Variants in CLIC5 observed in about 807,000 individuals in gnomAD.
CLIC5 encodes CLIC family member 5, also known as chloride intracellular channel protein 5.
CLIC5 carries 20 observed loss-of-function variants against 24.7 expected under a neutral mutation model. The ratio of observed to expected loss-of-function variants is 0.81; its 90% CI spans 0.57 to 1.18. The LOEUF (loss-of-function observed/expected upper bound fraction) is 1.18, where lower values mean the gene tolerates loss of function less well. Ranked by LOEUF, CLIC5 falls within the 50% of genes most tolerant of loss-of-function variation. CLIC5 has a pLI of 0.00. For missense variants in CLIC5, 341 were observed against 326.1 expected (o/e 1.05, Z -0.35); for synonymous variants, 159 against 135.6 (o/e 1.17, Z -1.20).
intron 1 of CLIC5, among the ~76,000 whole-genome samples, chr6:45,976,785 A>G (rs1156551969): frequency 2.6e-5 from 4 of 152,250 alleles, no homozygotes; most frequent in Non-Finnish European, 4.4e-5. Context: ...AATGGACATT[A>G]TAATGGCATA....
intron 4 of CLIC5, among the ~76,000 whole-genome samples, chr6:45,915,238 A>AT (rs1426547342): frequency 7.9e-5 from 12 of 152,058 alleles, no homozygotes; most frequent in African/African-American, 1.7e-4. Context: ...AATACTAGCC[A>AT]TTTTTTTAAA....
chr6:45,975,282 G>A (rs912294887), intron 1 of CLIC5, among the ~76,000 whole-genome samples: 1 of 152,146 alleles, frequency 6.6e-6, no homozygotes, highest in African/African-American at 2.4e-5. Flanking sequence ...CCACTAGCCT[G>A]CCATGTAGCA....
intron 1 of CLIC5, among the ~76,000 whole-genome samples, chr6:45,990,475 T>C (rs1765896053): frequency 6.6e-6 from 1 of 152,196 alleles, no homozygotes; most frequent in African/African-American, 2.4e-5. Context: ...GATAGAAGGA[T>C]GGTGGGTTTC....
chr6:45,972,930 TCTGGCCCTA>T (rs563547521), intron 1 of CLIC5, among the ~76,000 whole-genome samples: 31 of 152,338 alleles, frequency 2.0e-4, no homozygotes, highest in African/African-American at 7.2e-4. Context: ...TTCATAGTAA[TCTGGCCCTA>T]CTGGGTTCTA....
At chr6:45,926,311 G>T (rs917851418) in intron 4 of CLIC5, among the ~76,000 whole-genome samples, 15 of 150,292 alleles carry the variant, frequency 1.0e-4, no homozygotes, top group African/African-American at 3.4e-4. Flanking sequence ...GCAGTGGTGT[G>T]ATCTCGGCTC....
At chr6:46,122,846 T>C in the CLIC5 span, 18 of 152,192 alleles carry the variant, frequency 1.2e-4, 1 homozygote, top group Admixed American at 1.1e-3. Context: ...ATGGATAAAC[T>C]CCTCAACACA....
At chr6:45,980,295 C>T (rs1192707126) in intron 1 of CLIC5, among the ~76,000 whole-genome samples, 1 of 151,876 alleles carries the variant, frequency 6.6e-6, no homozygotes, top group African/African-American at 2.4e-5. Flanking sequence ...TTTCAGGTAG[C>T]AAATAAAGGC....
rs1762430988 is a variant in CLIC5 at position 45,898,485 on chromosome 6, G to T, written c.*4603C>A. 1 of 152,544 alleles carries T rather than the reference G, an allele frequency of 6.6e-6. No individual in the cohort carries two copies. The highest frequency in any genetic ancestry group is 2.4e-5 in the African/African-American group (1 of 41,420). 9.4% of individuals were successfully genotyped at this position (152,544 alleles called of 1,614,324 possible). The stretch of plus-strand genomic sequence containing the variant: ...ATTTGAAAATAAACCAACTTTATTT[G>T]AATCAGTCAATACCAATCAAGACTG... On this transcript the variant is annotated 3_prime_UTR_variant, in exon 6 of 6. Coordinates refer to ENST00000339561, the MANE Select transcript of CLIC5 (RefSeq NM_016929.5).
chr6:45,958,160 C>T (rs1174119767), intron 1 of CLIC5, among the ~76,000 whole-genome samples: 4 of 151,726 alleles, frequency 2.6e-5, no homozygotes, highest in South Asian at 2.1e-4. Flanking sequence ...AGGGAAATTT[C>T]GGCACAGACA....
At position 46,079,762 on chromosome 6, in the gene CLIC5, C is replaced by T. The variant is rs1466049911; in HGVS notation, c.481G>A (p.Glu161Lys). 8 of 1,551,802 alleles carry T rather than the reference C, an allele frequency of 5.2e-6. No individual in the cohort carries two copies. In the African/African-American group the frequency reaches 5.5e-5, roughly 11 times the overall value. Reference sequence around the variant, plus strand: ...GCTCCCTCCTTTTCTTCCAAACCTTCAGCATCAGAATAGCAGGAATACTTG... The same window carrying T: ...GCTCCCTCCTTTTCTTCCAAACCTTTAGCATCAGAATAGCAGGAATACTTG... Residue 161 changes from glutamate (E) to lysine (K), a missense_variant, in exon 1 of 6, where the codon GAA (glutamate) becomes AAA (lysine). Physicochemically the swap from Glu to Lys is moderately conservative, Grantham distance 56. Transcript: ENST00000185206.
the CLIC5 span, among the ~76,000 whole-genome samples, chr6:46,108,032 C>CAAAAAAAAAAAAAAAAAAAAAAAAAA: frequency 9.0e-5 from 3 of 33,308 alleles, 1 homozygote; most frequent in Non-Finnish European, 1.6e-4. Flanking sequence ...AAAACTCCAT[C>CAAAAAAAAAAAAAAAAAAAAAAAAAA]AAAAAAAAAA....
chr6:45,966,333 G>A (rs1378688509), intron 1 of CLIC5, among the ~76,000 whole-genome samples: 1 of 152,146 alleles, frequency 6.6e-6, no homozygotes, highest in Non-Finnish European at 1.5e-5. Context: ...TTTAAAAACT[G>A]GAATGCCCAA....
chr6:46,015,634 C>T lies in CLIC5; in HGVS notation c.-92G>A. 1 of 1,384,264 alleles carries T rather than the reference C, an allele frequency of 7.2e-7. No homozygotes were observed. The highest frequency in any genetic ancestry group is 9.4e-7 in the Non-Finnish European group (1 of 1,058,756). The allele number at this position is 1,384,264 out of a possible 1,614,324, so 85.7% of individuals were successfully genotyped here. On this transcript the variant is annotated 5_prime_UTR_variant, in exon 1 of 6. Transcript: ENST00000339561. ...ACTCTGCGCTCCTGCCGCTGCCCAGCGGGGCTCCTCTTCAGGGCGGTGTTT... is the reference window on the plus strand; with the variant it reads ...ACTCTGCGCTCCTGCCGCTGCCCAGTGGGGCTCCTCTTCAGGGCGGTGTTT...
chr6:45,912,049 C>T, intron 5 of CLIC5: 1 of 985,844 alleles, frequency 1.0e-6, no homozygotes, highest in Non-Finnish European at 1.2e-6. Context: ...GGTAAGGATG[C>T]ACACGGAGAT....
the CLIC5 span, among the ~76,000 whole-genome samples, chr6:46,086,320 T>C: frequency 6.6e-6 from 1 of 152,218 alleles, no homozygotes; most frequent in South Asian, 2.1e-4. Flanking sequence ...AATGCAGAAA[T>C]CACCCGTCTT....
chr6:46,129,346 A>G, the CLIC5 span, among the ~76,000 whole-genome samples: 2 of 152,234 alleles, frequency 1.3e-5, no homozygotes, highest in Admixed American at 1.3e-4. Context: ...TGGAAAGTTT[A>G]GTTACATTAT....
chr6:46,127,924 T>G, the CLIC5 span, among the ~76,000 whole-genome samples: 2 of 152,206 alleles, frequency 1.3e-5, no homozygotes, highest in Non-Finnish European at 2.9e-5. Context: ...GGTAGTTATA[T>G]TTACCACTAA....
At chr6:45,936,267 T>G (rs1763931251) in intron 4 of CLIC5, among the ~76,000 whole-genome samples, 3 of 145,370 alleles carry the variant, frequency 2.1e-5, no homozygotes, top group Non-Finnish European at 4.5e-5. Context: ...TGCAATGACG[T>G]GATCTCGGCT....
At chr6:46,112,502 C>A in the CLIC5 span, among the ~76,000 whole-genome samples, 1 of 152,174 alleles carries the variant, frequency 6.6e-6, no homozygotes, top group African/African-American at 2.4e-5. Context: ...TTCTGAATGC[C>A]TTTGGGGGGG....
Sources: gnomAD v4.1 joint callset for allele counts (sites outside exome capture counted in the v4.1 genomes callset) on GRCh38, gnomAD v4.1.1 for gene constraint, MANE v1.5 for transcripts, NCBI Gene and HGNC (gene_info 2026-07-23, HGNC 2026-07-21) for gene names.